Variants in TMEM132D observed in about 807,000 individuals in gnomAD.
TMEM132D encodes transmembrane protein 132D, also known as mature OL transmembrane protein.
TMEM132D carries 21 observed loss-of-function variants against 62.3 expected under a neutral mutation model. The observed-to-expected ratio is 0.34, with a 90% CI of 0.24 to 0.49. The LOEUF (loss-of-function observed/expected upper bound fraction) is 0.49, where lower values mean the gene tolerates loss of function less well. Among genes scored for constraint, TMEM132D ranks in the 20% least tolerant of loss-of-function variants. The pLI, the probability that TMEM132D is intolerant of heterozygous loss-of-function variation, is 0.99. For missense variants in TMEM132D, 1,346 were observed against 1,402.8 expected, an observed-to-expected ratio of 0.96 and a Z score of 0.65; for synonymous variants, 621 against 575.6, an observed-to-expected ratio of 1.08 and a Z score of -1.13.
At chr12:129,553,455 T>C (rs1876960005) in intron 2 of TMEM132D, among the ~76,000 whole-genome samples, 1 of 152,194 alleles carries the variant, frequency 6.6e-6, no homozygotes, top group African/African-American at 2.4e-5. Context: ...TACCACGTTG[T>C]CACTTGGAAA....
intron 1 of TMEM132D, among the ~76,000 whole-genome samples, chr12:129,758,247 T>C (rs1156965828): frequency 3.9e-5 from 6 of 152,158 alleles, no homozygotes. Flanking sequence ...CTCTTCCTCC[T>C]GCCTCAAAAC....
chr12:129,589,407 G>A (rs999484998), intron 2 of TMEM132D, among the ~76,000 whole-genome samples: 1 of 152,112 alleles, frequency 6.6e-6, no homozygotes, highest in Non-Finnish European at 1.5e-5. Context: ...CCCAGTCTCG[G>A]TTATGTCTTT....
intron 1 of TMEM132D, among the ~76,000 whole-genome samples, chr12:129,889,386 A>G (rs1874849721): frequency 6.6e-6 from 1 of 152,148 alleles, no homozygotes; most frequent in African/African-American, 2.4e-5. Flanking sequence ...TGCATCCTAC[A>G]TGGTCCTTGA....
At chr12:129,698,425 T>C (rs755816050) in intron 2 of TMEM132D, among the ~76,000 whole-genome samples, 3 of 148,162 alleles carry the variant, frequency 2.0e-5, no homozygotes, top group African/African-American at 5.0e-5. Flanking sequence ...TTTCTAATAC[T>C]AGGTCACAAT....
At chr12:129,548,352 C>A (rs773918922) in intron 2 of TMEM132D, among the ~76,000 whole-genome samples, 1 of 152,182 alleles carries the variant, frequency 6.6e-6, no homozygotes, top group African/African-American at 2.4e-5. Context: ...GGGGTTTGAT[C>A]TTTACCCATC....
At chr12:129,350,514 C>T (rs1869830059) in intron 3 of TMEM132D, among the ~76,000 whole-genome samples, 1 of 152,194 alleles carries the variant, frequency 6.6e-6, no homozygotes, top group Non-Finnish European at 1.5e-5. Flanking sequence ...TGACCTCCGA[C>T]TCCTGTTCAG....
Position 129,903,420 on chromosome 12 carries a change from C to G in TMEM132D, c.-81G>C. 6.9e-7 allele frequency: 1 copy of G among 1,447,320 alleles called. No homozygotes were observed. The allele number at this position is 1,447,320 out of a possible 1,614,324, so 89.7% of individuals were successfully genotyped here. On this transcript the variant is annotated 5_prime_UTR_variant, in exon 1 of 9. Transcript: ENST00000422113. This position sits in a 1 kb window ranked among gnomAD's most constrained non-coding sequence, Gnocchi z 6.2. Reference sequence around the variant, plus strand: ...AGACCGTCTCAGTCCCCTAGAGGCCCGCAGCGGGGCCGGTGGCGAGGGAGC... The same window carrying G: ...AGACCGTCTCAGTCCCCTAGAGGCCGGCAGCGGGGCCGGTGGCGAGGGAGC...
chr12:129,111,527 A>T (rs1364695322), intron 5 of TMEM132D: 9 of 152,170 alleles, frequency 5.9e-5, no homozygotes. Context: ...TGAGTGTCTG[A>T]TGGGTGGGCA....
At chr12:129,564,397 C>A (rs1477640027) in intron 2 of TMEM132D, among the ~76,000 whole-genome samples, 1 of 152,196 alleles carries the variant, frequency 6.6e-6, no homozygotes, top group African/African-American at 2.4e-5. Context: ...CAACCTGGTG[C>A]CTTCTGGCAA....
chr12:129,792,168 G>A (rs1593163444), intron 1 of TMEM132D, among the ~76,000 whole-genome samples: 1 of 152,300 alleles, frequency 6.6e-6, no homozygotes, highest in African/African-American at 2.4e-5. Context: ...CGATGCTCTT[G>A]CCGGGGCCAG....
chr12:129,639,275 C>T (rs566847943), intron 2 of TMEM132D, among the ~76,000 whole-genome samples: 1 of 147,852 alleles, frequency 6.8e-6, no homozygotes, highest in African/African-American at 2.5e-5. Flanking sequence ...CCCAGCTACT[C>T]GGGAGGCTGA....
intron 1 of TMEM132D, among the ~76,000 whole-genome samples, chr12:129,801,154 G>C (rs1038080857): frequency 2.0e-5 from 3 of 152,216 alleles, no homozygotes; most frequent in Non-Finnish European, 4.4e-5. Flanking sequence ...GCCCGCCATT[G>C]CCCAGGCTTG....
intron 3 of TMEM132D, among the ~76,000 whole-genome samples, chr12:129,359,125 G>A (rs189850964): frequency 6.6e-6 from 1 of 152,266 alleles, no homozygotes; most frequent in African/African-American, 2.4e-5. Flanking sequence ...TCATAGTACT[G>A]CATAAGTGAA....
At chr12:129,083,951 C>T (rs777834161) in intron 6 of TMEM132D, among the ~76,000 whole-genome samples, 10 of 152,162 alleles carry the variant, frequency 6.6e-5, no homozygotes, top group Admixed American at 6.5e-4. Flanking sequence ...CCTCATTTCA[C>T]CAAGGCAGAG....
chr12:129,234,775 G>A (rs1288157139), intron 4 of TMEM132D, among the ~76,000 whole-genome samples: 1 of 152,140 alleles, frequency 6.6e-6, no homozygotes, highest in African/African-American at 2.4e-5. Flanking sequence ...TACTATTATT[G>A]TGGGAGAGTA....
chr12:129,852,097 C>G (rs569523936), intron 1 of TMEM132D: 1 of 152,310 alleles, frequency 6.6e-6, no homozygotes, highest in East Asian at 1.9e-4. Context: ...CAACCTCACA[C>G]AAAAGCCTTG....
At chr12:129,677,434 A>G (rs776738584) in intron 2 of TMEM132D, among the ~76,000 whole-genome samples, 1 of 152,170 alleles carries the variant, frequency 6.6e-6, no homozygotes, top group Non-Finnish European at 1.5e-5. Flanking sequence ...TAAATTGCCT[A>G]GTCTCAGGTA....
chr12:129,700,391 T>C lies in TMEM132D; in HGVS notation c.387A>G (p.Leu129=), dbSNP rs2137227122. Residue 129 remains leucine, a synonymous_variant, in exon 2 of 9, where the codon CTA becomes CTG. Coordinates refer to ENST00000422113, the MANE Select transcript of TMEM132D (RefSeq NM_133448.3). ...FTNKFSLNWK[L]KAHILRDKVY... is the part of the protein sequence containing the mutation. Reference sequence around the variant, plus strand: ...CTTTGTCCCGCAGGATGTGGGCTTTTAGTTTCCAGTTAAGAGAAAATTTGT... The same window carrying C: ...CTTTGTCCCGCAGGATGTGGGCTTTCAGTTTCCAGTTAAGAGAAAATTTGT... 1.9e-6 allele frequency: 3 copies of C among 1,614,188 alleles called. No homozygotes were observed. The highest frequency in any genetic ancestry group is 1.7e-5 in the Admixed American group (1 of 60,030).
intron 4 of TMEM132D, among the ~76,000 whole-genome samples, chr12:129,294,536 A>G (rs191523060): frequency 6.6e-6 from 1 of 152,242 alleles, no homozygotes; most frequent in East Asian, 1.9e-4. Flanking sequence ...CCCTTTCCAG[A>G]GGGCTACCTT....
Sources: allele counts gnomAD v4.1 joint callset (sites outside exome capture counted in the v4.1 genomes callset), GRCh38; gene constraint gnomAD v4.1.1; non-coding constraint Gnocchi (gnomAD v3.1); transcripts MANE v1.5; gene names NCBI Gene and HGNC (gene_info 2026-07-23, HGNC 2026-07-21).